ZNRF3: variants seen among roughly 807,000 people sequenced by gnomAD.
The protein encoded by ZNRF3 is zinc and ring finger 3, also known as E3 ubiquitin-protein ligase ZNRF3.
Under a neutral mutation model 72.5 loss-of-function variants are expected in ZNRF3, and 23 were observed. The observed-to-expected ratio is 0.32, with a 90% confidence interval of 0.23 to 0.45. ZNRF3 has a LOEUF of 0.45. ZNRF3 is among the 20% of genes least tolerant of loss of function. The pLI is 1.00. For synonymous variants in ZNRF3, 610 were observed against 545.3 expected (o/e 1.12, Z -1.65); for missense variants, 1,169 against 1,272.1 (o/e 0.92, Z 1.23).
rs572151217 is a variant in ZNRF3, at chr22:29,030,290, A to G, written c.427-12205A>G. Among the ~76,000 whole-genome samples, 4 of 152,326 alleles carry G rather than the reference A, an allele frequency of 2.6e-5. No homozygotes were observed. Among genetic ancestry groups the G allele is most frequent in the Admixed American group, 2.6e-4 (4 of 15,294 alleles). On this transcript the variant is annotated intron_variant, in intron 2 of 8. Coordinates refer to ENST00000544604, the MANE Select transcript of ZNRF3 (RefSeq NM_001206998.2). This position sits in a 1 kb window ranked among gnomAD's most constrained non-coding sequence, Gnocchi z 4.2. The stretch of plus-strand genomic sequence containing the variant: ...GACACCCACTAGTTTCTGATTGTGA[A>G]AAGGGTACCAACCTGTGCAATGGCG...
intron 1 of ZNRF3, among the ~76,000 whole-genome samples, chr22:28,915,364 A>G (rs1380403531): frequency 6.6e-6 from 1 of 152,176 alleles, no homozygotes; most frequent in Non-Finnish European, 1.5e-5. Flanking sequence ...GGGCCCACCT[A>G]TATGACCTGC....
chr22:29,026,585 C>T (rs1056683085), intron 2 of ZNRF3: 1 of 152,242 alleles, frequency 6.6e-6, no homozygotes, highest in Non-Finnish European at 1.5e-5. Context: ...CTGTCTCCTA[C>T]TCAAGGCAGA....
In ZNRF3 at chr22:28,960,603, G is replaced by T. The variant is rs573877878; in HGVS notation, c.301-26473G>T. On this transcript the variant is annotated intron_variant, in intron 1 of 8. Coordinates refer to ENST00000544604, the MANE Select transcript of ZNRF3 (RefSeq NM_001206998.2). ...GTAGCTCTTGGGTCATATTGATAGGGGCTATATTTTTAAAAAGGGATAGTT... is the reference window on the plus strand; with the variant it reads ...GTAGCTCTTGGGTCATATTGATAGGTGCTATATTTTTAAAAAGGGATAGTT... Among the ~76,000 whole-genome samples, 7 of 152,308 alleles carry T rather than the reference G, an allele frequency of 4.6e-5. No individual in the cohort carries two copies. In the East Asian group the frequency reaches 1.3e-3, roughly 29 times the overall value.
intron 2 of ZNRF3, among the ~76,000 whole-genome samples, chr22:29,038,139 A>G (rs2036897469): frequency 6.6e-6 from 1 of 152,174 alleles, no homozygotes; most frequent in South Asian, 2.1e-4. Flanking sequence ...GATCCTAAAG[A>G]TAGGATTTCT....
intron 1 of ZNRF3, among the ~76,000 whole-genome samples, chr22:28,952,307 A>T (rs138458741): frequency 6.6e-6 from 1 of 152,320 alleles, no homozygotes; most frequent in East Asian, 1.9e-4. Context: ...ACGCTATGGA[A>T]ATGCTCTGGC....
chr22:28,902,527 C>T (rs552887668), intron 1 of ZNRF3, among the ~76,000 whole-genome samples: 5 of 152,226 alleles, frequency 3.3e-5, no homozygotes, highest in Admixed American at 6.5e-5. Context: ...GGACTACAGG[C>T]GCCCTGCTGA....
At position 29,048,558 on chromosome 22, in the gene ZNRF3, C is replaced by CA. The variant is rs1161741297; in HGVS notation, c.1015+68dup. ...CCTAGCTAGAGTGTGACACACACCGCAGGCTTGGGAACACTCAGAACCACC... is the reference window on the plus strand; with the variant it reads ...CCTAGCTAGAGTGTGACACACACCGCAAGGCTTGGGAACACTCAGAACCACC... On this transcript the variant is annotated intron_variant, in intron 7 of 8. Coordinates refer to ENST00000544604, the MANE Select transcript of ZNRF3 (RefSeq NM_001206998.2). The surrounding 1 kb of genome is among the most constrained non-coding windows in gnomAD (Gnocchi z 4.9). The CA allele has an allele frequency of 6.6e-7, 1 of 1,518,044 alleles. No individual in the cohort carries two copies. Among genetic ancestry groups the CA allele is most frequent in the Non-Finnish European group, 9.1e-7 (1 of 1,096,116 alleles). The allele number at this position is 1,518,044 out of a possible 1,614,324, so 94.0% of individuals were successfully genotyped here. A position where few individuals can be genotyped will look rare whatever the true frequency, so the allele number is the denominator to read the frequency against.
chr22:28,994,620 T>A (rs1018632119), intron 2 of ZNRF3, among the ~76,000 whole-genome samples: 1 of 152,038 alleles, frequency 6.6e-6, no homozygotes, highest in African/African-American at 2.4e-5. Context: ...AAGCTTCCAT[T>A]TGAGAAGATG....
intron 2 of ZNRF3, among the ~76,000 whole-genome samples, chr22:29,037,534 T>C (rs2036888141): frequency 6.6e-6 from 1 of 152,156 alleles, no homozygotes; most frequent in African/African-American, 2.4e-5. Context: ...TAATAAACAT[T>C]TATTGAATAA....
At chr22:29,028,276 G>A (rs1032421072) in intron 2 of ZNRF3, among the ~76,000 whole-genome samples, 8 of 152,204 alleles carry the variant, frequency 5.3e-5, no homozygotes, top group Non-Finnish European at 8.8e-5. Flanking sequence ...ACAAAAGTAG[G>A]AAAATGTTCC....
At chr22:29,028,101 G>A (rs568772822) in intron 2 of ZNRF3, among the ~76,000 whole-genome samples, 5 of 152,286 alleles carry the variant, frequency 3.3e-5, no homozygotes, top group African/African-American at 1.2e-4. Flanking sequence ...CAATATCATA[G>A]GGTACACAGG....
At chr22:28,922,160 T>C (rs1601561180) in intron 1 of ZNRF3, among the ~76,000 whole-genome samples, 3 of 152,354 alleles carry the variant, frequency 2.0e-5, no homozygotes, top group Admixed American at 2.0e-4. Context: ...GTCATGTTGG[T>C]GCTCAGAAAG....
intron 2 of ZNRF3, among the ~76,000 whole-genome samples, chr22:29,003,240 GGC>G (rs2036181870): frequency 6.6e-6 from 1 of 152,134 alleles, no homozygotes; most frequent in Non-Finnish European, 1.5e-5. Flanking sequence ...GTTTTGGCTG[GGC>G]GCAGTGGCTC....
chr22:29,042,705 T>C, intron 3 of ZNRF3, 136 bp downstream of exon 3: 2 of 769,106 alleles, frequency 2.6e-6, no homozygotes, highest in Non-Finnish European at 4.2e-6. Flanking sequence ...GTGTCCATGT[T>C]TGGACATAAT....
intron 2 of ZNRF3, among the ~76,000 whole-genome samples, chr22:29,021,216 G>A (rs28628688): frequency 2.9e-3 from 438 of 151,826 alleles, no homozygotes; most frequent in African/African-American, 0.01. Flanking sequence ...CTGGGGAAAC[G>A]AGCGAAACTC....
intron 1 of ZNRF3, among the ~76,000 whole-genome samples, chr22:28,944,939 A>C (rs1456664818): frequency 6.8e-6 from 1 of 147,712 alleles, no homozygotes; most frequent in East Asian, 2.0e-4. Flanking sequence ...ATAAATAAAT[A>C]AATAAATAAA....
chr22:28,923,425 G>A (rs940467317), intron 1 of ZNRF3, among the ~76,000 whole-genome samples: 2 of 152,104 alleles, frequency 1.3e-5, no homozygotes, highest in Admixed American at 6.6e-5. Context: ...CCTCACACCC[G>A]CCAGTCTCAA....
At chr22:28,997,988 TAA>T (rs557887667) in intron 2 of ZNRF3, among the ~76,000 whole-genome samples, 29,085 of 114,946 alleles carry the variant, frequency 0.25, 4,236 homozygotes, top group Middle Eastern at 0.41. Context: ...CCTGGCTCTT[TAA>T]AAAAAAAAAA....
intron 2 of ZNRF3, among the ~76,000 whole-genome samples, chr22:29,008,665 G>A (rs892994564): frequency 6.6e-6 from 1 of 152,216 alleles, no homozygotes; most frequent in Non-Finnish European, 1.5e-5. Context: ...TGTGTGGAAA[G>A]TGCATTGGTG....
Sources: gnomAD v4.1 joint callset for allele counts (sites outside exome capture counted in the v4.1 genomes callset) on GRCh38, gnomAD v4.1.1 for gene constraint, Gnocchi (gnomAD v3.1) non-coding constraint, MANE v1.5 for transcripts, NCBI Gene and HGNC (gene_info 2026-07-23, HGNC 2026-07-21) for gene names.